Variants in FBXO42 observed in about 807,000 individuals in gnomAD.
FBXO42 encodes the protein F-box only protein 42.
FBXO42 carries 12 observed loss-of-function variants against 71.7 expected under a neutral mutation model. That is an observed-to-expected ratio of 0.17 (90% CI 0.11 to 0.27). FBXO42 has a LOEUF of 0.27. Among genes scored for constraint, FBXO42 ranks in the 10% least tolerant of loss-of-function variants. The probability of loss-of-function intolerance (pLI) is 1.00; values close to 1 mark genes in which losing one functional copy is unlikely to be tolerated. For synonymous variants in FBXO42, 325 were observed against 327.5 expected, an observed-to-expected ratio of 0.99 and a Z score of 0.08; for missense variants, 707 against 911.9, an observed-to-expected ratio of 0.78 and a Z score of 2.89.
At chr1:16,283,507 T>TTTTTTTTTTTG (rs2081988668) in intron 4 of FBXO42, among the ~76,000 whole-genome samples, 14 of 69,334 alleles carry the variant, frequency 2.0e-4, no homozygotes, top group South Asian at 1.1e-3. Flanking sequence ...TTTTTTTTTT[T>TTTTTTTTTTTG]TTTTTTTTTT....
At chr1:16,345,228 C>T (rs1188494422) in intron 1 of FBXO42, among the ~76,000 whole-genome samples, 5 of 150,840 alleles carry the variant, frequency 3.3e-5, no homozygotes, top group Non-Finnish European at 5.9e-5. Flanking sequence ...TCGAGACCAG[C>T]CTGGCCAACA....
At chr1:16,264,136 C>T (rs896052481) in intron 4 of FBXO42, among the ~76,000 whole-genome samples, 5 of 152,012 alleles carry the variant, frequency 3.3e-5, no homozygotes, top group African/African-American at 1.2e-4. Context: ...ATGGAGTAGC[C>T]GTAGATAAAA....
intron 4 of FBXO42, among the ~76,000 whole-genome samples, chr1:16,288,642 T>C (rs748546907): frequency 6.6e-5 from 10 of 151,930 alleles, no homozygotes; most frequent in Non-Finnish European, 1.3e-4. Flanking sequence ...ATTGGCCTTC[T>C]CATGCTCCTA....
intron 6 of FBXO42, among the ~76,000 whole-genome samples, chr1:16,255,501 AT>A (rs1279487956): frequency 2.0e-5 from 3 of 151,996 alleles, no homozygotes; most frequent in Non-Finnish European, 4.4e-5. Flanking sequence ...TGCCCGGCTA[AT>A]TTTTGTATTT....
chr1:16,317,182 C>T (rs1469676991), intron 1 of FBXO42, among the ~76,000 whole-genome samples: 4 of 152,094 alleles, frequency 2.6e-5, no homozygotes, highest in Non-Finnish European at 5.9e-5. Flanking sequence ...CTTTGGGAGG[C>T]TAAGGTAGGC....
Position 16,251,725 on chromosome 1 carries a change from T to G in FBXO42, c.1099A>C (p.Ser367Arg). The G allele has an allele frequency of 6.2e-7, 1 of 1,614,180 alleles. No homozygotes were observed. ...ATAGGTGATGGGCGAGAGTTCAAAC[T>G]GGGGCTGAGTGGGGCTCTCCCACTA... Reference protein sequence around the residue: ...APSGRAPLSPSLNSRPSPISA... With the variant: ...APSGRAPLSPRLNSRPSPISA... The change falls in exon 10 of 10, where the codon AGT becomes CGT. Residue 367 changes from serine to arginine, a missense_variant. By Grantham distance (110) the Ser-to-Arg change is moderately radical. Transcript: ENST00000375592. The surrounding 1 kb of genome is among the most constrained non-coding windows in gnomAD (Gnocchi z 4.5).
intron 4 of FBXO42, among the ~76,000 whole-genome samples, chr1:16,273,602 C>T (rs1257145041): frequency 5.3e-5 from 8 of 151,724 alleles, no homozygotes; most frequent in Admixed American, 6.6e-5. Flanking sequence ...AAATGAGGGC[C>T]GGGCATGGTG....
chr1:16,300,825 G>A (rs562766177), intron 3 of FBXO42, among the ~76,000 whole-genome samples: 1 of 151,322 alleles, frequency 6.6e-6, no homozygotes, highest in South Asian at 2.1e-4. Flanking sequence ...ATCTGAAAAG[G>A]ACATTCTACA....
intron 1 of FBXO42, among the ~76,000 whole-genome samples, chr1:16,335,715 A>T (rs1158335759): frequency 1.3e-5 from 2 of 151,434 alleles, no homozygotes; most frequent in Non-Finnish European, 2.9e-5. Flanking sequence ...AAAATACAAA[A>T]CATTAGCTGG....
rs2082352798 is a variant in FBXO42, at chr1:16,315,266, T to C, written c.153A>G (p.Pro51=). ...ACAGGATATACTCCAAAACCTCTTC[T>C]GGCAGCTCCGACATGGACCTATTAT... ...TRHNRSMSEL[P]EEVLEYILSF... is the part of the protein sequence containing the mutation. The change falls in exon 2 of 10, where the codon CCA becomes CCG. Residue 51 remains proline (P), a synonymous_variant. Coordinates refer to ENST00000375592, the MANE Select transcript of FBXO42 (RefSeq NM_018994.3). 6.2e-7 allele frequency: 1 copy of C among 1,614,162 alleles called. No individual in the cohort carries two copies. Among genetic ancestry groups the C allele is most frequent in the Non-Finnish European group, 8.5e-7 (1 of 1,180,020 alleles).
chr1:16,278,344 C>T (rs1042571377), intron 4 of FBXO42, among the ~76,000 whole-genome samples: 18 of 149,432 alleles, frequency 1.2e-4, no homozygotes, highest in African/African-American at 4.2e-4. Flanking sequence ...GCAACAAGAG[C>T]GAAACTCCAT....
Position 16,252,591 on chromosome 1 carries a change from T to A in FBXO42, c.922-187A>T, listed in dbSNP as rs2081604525. On this transcript the variant is annotated intron_variant, in intron 8 of 9. Transcript: ENST00000375592. The surrounding 1 kb of genome is among the most constrained non-coding windows in gnomAD (Gnocchi z 4.4). ...ATCCACTTACGCTTTCATTCATTCA[T>A]ATATTACCACTGGCTTAGCACATGG... 6.6e-6 allele frequency among the ~76,000 whole-genome samples: 1 copy of A among 152,230 alleles called. No individual in the cohort carries two copies. Among genetic ancestry groups the A allele is most frequent in the African/African-American group, 2.4e-5 (1 of 41,464 alleles).
At position 16,274,144 on chromosome 1, in the gene FBXO42, T is replaced by C. The variant is rs146020417; in HGVS notation, c.503-17385A>G. On this transcript the variant is annotated intron_variant, in intron 4 of 9. Transcript: ENST00000375592. Reference sequence around the variant, plus strand: ...GGGAGACATAGCAGTACCCCATCTCTACAAAAACTAAATTAGTCAGGCATG... The same window carrying C: ...GGGAGACATAGCAGTACCCCATCTCCACAAAAACTAAATTAGTCAGGCATG... Among the ~76,000 whole-genome samples, 9 of 150,854 alleles carry C rather than the reference T, an allele frequency of 6.0e-5. No individual in the cohort carries two copies. In the East Asian group the frequency reaches 1.8e-3, roughly 30 times the overall value.
intron 5 of FBXO42, among the ~76,000 whole-genome samples, chr1:16,256,044 TGA>T (rs1484368026): frequency 1.3e-5 from 2 of 152,178 alleles, no homozygotes; most frequent in Non-Finnish European, 1.5e-5. Context: ...GGGAGAGAGA[TGA>T]GAAAACGATG....
intron 4 of FBXO42, among the ~76,000 whole-genome samples, chr1:16,286,995 G>A (rs1557585260): frequency 2.0e-5 from 3 of 152,074 alleles, no homozygotes; most frequent in Non-Finnish European, 2.9e-5. Context: ...CCTTTTAACT[G>A]GTCTCCTTGC....
At chr1:16,342,016 T>C (rs1569949593) in intron 1 of FBXO42, among the ~76,000 whole-genome samples, 1 of 147,952 alleles carries the variant, frequency 6.8e-6, no homozygotes, top group Non-Finnish European at 1.5e-5. Context: ...GTGGCTCATG[T>C]CTGTAATCCC....
rs143161132 is a variant in FBXO42, at chr1:16,349,646, C to T, written c.-18+2609G>A. ...GAGGCCAAGGCAGGTGGATCGCCTG[C>T]GGTCAGGAGTTCAAGACCAGCCTGG... On this transcript the variant is annotated intron_variant, in intron 1 of 9. Transcript: ENST00000375592. 4.5e-3 allele frequency among the ~76,000 whole-genome samples: 690 copies of T among 152,194 alleles called. 6 individuals carry two copies. The highest frequency in any genetic ancestry group is 0.016 in the African/African-American group (665 of 41,548).
At chr1:16,263,589 G>A (rs1467630762) in intron 4 of FBXO42, among the ~76,000 whole-genome samples, 1 of 151,640 alleles carries the variant, frequency 6.6e-6, no homozygotes, top group Non-Finnish European at 1.5e-5. Flanking sequence ...CCGGCATGGT[G>A]GTGCACACCT....
At chr1:16,264,168 A>C (rs761393673) in intron 4 of FBXO42, among the ~76,000 whole-genome samples, 1 of 152,184 alleles carries the variant, frequency 6.6e-6, no homozygotes, top group Non-Finnish European at 1.5e-5. Flanking sequence ...GACTTTGAAG[A>C]ACTGCCCGAA....
Sources: gnomAD v4.1 joint callset for allele counts (sites outside exome capture counted in the v4.1 genomes callset) on GRCh38, gnomAD v4.1.1 for gene constraint, Gnocchi (gnomAD v3.1) non-coding constraint, MANE v1.5 for transcripts, NCBI Gene and HGNC (gene_info 2026-07-23, HGNC 2026-07-21) for gene names.